NUBPL: variants seen among roughly 807,000 people sequenced by gnomAD.
NUBPL encodes iron-sulfur cluster transfer protein NUBPL.
Under a neutral mutation model 45.7 loss-of-function variants are expected in NUBPL, and 31 were observed. The ratio of observed to expected loss-of-function variants is 0.68; its 90% confidence interval spans 0.51 to 0.92. The LOEUF is 0.92. Among genes scored for constraint, NUBPL ranks in the 40% least tolerant of loss-of-function variants. NUBPL has a pLI of 0.00. For synonymous variants in NUBPL, 144 were observed against 140.9 expected (o/e 1.02, Z -0.15); for missense variants, 401 against 398.7 (o/e 1.01, Z -0.05).
In NUBPL at chr14:31,750,588, C is replaced by T. The variant is rs185558993; in HGVS notation, c.514-37192C>T. 1.1e-3 allele frequency among the ~76,000 whole-genome samples: 171 copies of T among 152,024 alleles called. 1 individual carries two copies. The highest frequency in any genetic ancestry group is 3.4e-3 in the Middle Eastern group (1 of 294). ...GGATAATTATCATGTTCTTTGGAGGCGTCATTTTTCTTTGCTTTATCATTC... is the reference window on the plus strand; with the variant it reads ...GGATAATTATCATGTTCTTTGGAGGTGTCATTTTTCTTTGCTTTATCATTC... On this transcript the variant is annotated intron_variant, in intron 6 of 10. Coordinates refer to ENST00000281081, the MANE Select transcript of NUBPL (RefSeq NM_025152.3).
chr14:31,645,291 C>T (rs988690095), intron 4 of NUBPL, among the ~76,000 whole-genome samples: 6 of 152,074 alleles, frequency 3.9e-5, no homozygotes, highest in Non-Finnish European at 7.4e-5. Flanking sequence ...TGGTCTCGAT[C>T]TCCTGACCTC....
intron 6 of NUBPL, among the ~76,000 whole-genome samples, chr14:31,680,205 A>G (rs953384360): frequency 6.6e-6 from 1 of 152,024 alleles, no homozygotes; most frequent in Admixed American, 6.5e-5. Flanking sequence ...TTCCTTTTCA[A>G]TCCATTCCTT....
chr14:31,781,893 T>A (rs1057107502), intron 6 of NUBPL, among the ~76,000 whole-genome samples: 2 of 152,128 alleles, frequency 1.3e-5, no homozygotes, highest in Non-Finnish European at 2.9e-5. Context: ...TACACATGAT[T>A]CTTTCTTATA....
intron 6 of NUBPL, among the ~76,000 whole-genome samples, chr14:31,760,173 G>GAGAGAGAGAGAGAGAC (rs1226267063): frequency 6.8e-6 from 1 of 147,642 alleles, no homozygotes; most frequent in East Asian, 2.0e-4. Context: ...GAGAGAGAGA[G>GAGAGAGAGAGAGAGAC]AGAGAGAGAC....
At chr14:31,788,326 G>T (rs2138821032) in intron 7 of NUBPL, among the ~76,000 whole-genome samples, 1 of 152,228 alleles carries the variant, frequency 6.6e-6, no homozygotes, top group South Asian at 2.1e-4. Context: ...AGCCCTGAGA[G>T]TTCAACATTG....
Position 31,841,917 on chromosome 14 carries a change from C to CTTTTGTTTTTTTTTTTTTTTTT in NUBPL, c.694-4550_694-4549insGTTTTTTTTTTTTTTTTTTTTT. On this transcript the variant is annotated intron_variant, in intron 8 of 10. Coordinates refer to ENST00000281081, the MANE Select transcript of NUBPL (RefSeq NM_025152.3). The stretch of plus-strand genomic sequence containing the variant: ...CTTTCATGTATGGGTCGATTCTGGG[C>CTTTTGTTTTTTTTTTTTTTTTT]TTTTTTTTTTTTTTTTTTTTTTTTT... Among the ~76,000 whole-genome samples, 157 of 43,048 alleles carry CTTTTGTTTTTTTTTTTTTTTTT rather than the reference C, an allele frequency of 3.6e-3. 26 individuals are homozygous for CTTTTGTTTTTTTTTTTTTTTTT. Among genetic ancestry groups the CTTTTGTTTTTTTTTTTTTTTTT allele is most frequent in the Non-Finnish European group, 5.2e-3 (123 of 23,470 alleles). 28.2% of individuals were successfully genotyped at this position (43,048 alleles called of 152,430 possible).
chr14:31,742,410 AG>A (rs1220313071), intron 6 of NUBPL, among the ~76,000 whole-genome samples: 5 of 152,128 alleles, frequency 3.3e-5, no homozygotes, highest in Admixed American at 3.3e-4. Context: ...ATTCTTGTTA[AG>A]ATGCAGATTC....
intron 6 of NUBPL, among the ~76,000 whole-genome samples, chr14:31,682,660 T>A (rs1428577330): frequency 6.6e-6 from 1 of 152,230 alleles, no homozygotes; most frequent in Non-Finnish European, 1.5e-5. Context: ...TCCTTAGCTA[T>A]CTATCCCTCT....
At position 31,770,298 on chromosome 14, in the gene NUBPL, A is replaced by G. The variant is rs143596294; in HGVS notation, c.514-17482A>G. The stretch of plus-strand genomic sequence containing the variant: ...AATTTGGAGGCTAGAGTTTTTCAAC[A>G]TAGTTTGGCAGGCAGGGTGCTAGGG... On this transcript the variant is annotated intron_variant, in intron 6 of 10. Coordinates refer to ENST00000281081, the MANE Select transcript of NUBPL (RefSeq NM_025152.3). Among the ~76,000 whole-genome samples, 198 of 152,224 alleles carry G rather than the reference A, an allele frequency of 1.3e-3. 4 individuals are homozygous for G. The East Asian group carries it at 0.019, about 14-fold the overall frequency.
chr14:31,773,987 A>G (rs1461664803), intron 6 of NUBPL, among the ~76,000 whole-genome samples: 1 of 152,176 alleles, frequency 6.6e-6, no homozygotes, highest in Non-Finnish European at 1.5e-5. Flanking sequence ...GACACAGCCC[A>G]CTTTTGAGCT....
At chr14:31,572,133 A>T (rs2033601812) in intron 3 of NUBPL, among the ~76,000 whole-genome samples, 1 of 151,524 alleles carries the variant, frequency 6.6e-6, no homozygotes, top group Admixed American at 6.6e-5. Flanking sequence ...TTTTAGCTAG[A>T]TTCTTTTTTT....
intron 4 of NUBPL, among the ~76,000 whole-genome samples, chr14:31,614,350 G>A (rs1480651465): frequency 6.6e-6 from 1 of 152,180 alleles, no homozygotes; most frequent in Non-Finnish European, 1.5e-5. Context: ...TAATCAGAAA[G>A]TACTGAGTTT....
rs188614948 is a variant in NUBPL at position 31,608,427 on chromosome 14, G to A, written c.382+9048G>A. ...AAATTAGCTGGGCATGGTGGCGGGC[G>A]CCTGTAGTCCCAGCTACTTTGGAGG... is the stretch of plus-strand genomic sequence containing the variant. On this transcript the variant is annotated intron_variant, in intron 4 of 10. Transcript: ENST00000281081. Among the ~76,000 whole-genome samples the A allele has an allele frequency of 2.5e-3, 377 of 152,078 alleles. 7 individuals are homozygous for A. Among genetic ancestry groups the A allele is most frequent in the Non-Finnish European group, 4.1e-4 (28 of 67,976 alleles).
At chr14:31,582,581 A>G (rs2033893563) in intron 3 of NUBPL, among the ~76,000 whole-genome samples, 1 of 152,128 alleles carries the variant, frequency 6.6e-6, no homozygotes, top group African/African-American at 2.4e-5. Flanking sequence ...GCTGTGGTTC[A>G]TAGGCATCTG....
intron 4 of NUBPL, among the ~76,000 whole-genome samples, chr14:31,643,473 C>T (rs2139707913): frequency 6.6e-6 from 1 of 152,256 alleles, no homozygotes; most frequent in South Asian, 2.1e-4. Context: ...GAATGTTGAA[C>T]CATTCTTGTA....
intron 4 of NUBPL, among the ~76,000 whole-genome samples, chr14:31,601,419 C>G (rs1040937822): frequency 6.6e-6 from 1 of 152,158 alleles, no homozygotes; most frequent in African/African-American, 2.4e-5. Flanking sequence ...TTTGTATCCT[C>G]TTTTATTTCA....
At chr14:31,670,597 T>G (rs2036548132) in intron 4 of NUBPL, among the ~76,000 whole-genome samples, 1 of 152,168 alleles carries the variant, frequency 6.6e-6, no homozygotes, top group African/African-American at 2.4e-5. Context: ...AGGATTTTTA[T>G]AGTTTTGGCT....
intron 7 of NUBPL, among the ~76,000 whole-genome samples, chr14:31,798,767 G>T (rs1373553684): frequency 7.3e-6 from 1 of 136,640 alleles, no homozygotes; most frequent in Non-Finnish European, 1.5e-5. Context: ...ACTCCAGCCT[G>T]GGTGACAGAG....
intron 3 of NUBPL, among the ~76,000 whole-genome samples, chr14:31,566,059 T>A (rs1445486050): frequency 6.6e-6 from 1 of 152,202 alleles, no homozygotes; most frequent in Non-Finnish European, 1.5e-5. Flanking sequence ...ATACCTATTT[T>A]ATAGAATACA....
Sources: gnomAD v4.1 joint callset for allele counts (sites outside exome capture counted in the v4.1 genomes callset) on GRCh38, gnomAD v4.1.1 for gene constraint, MANE v1.5 for transcripts, NCBI Gene and HGNC (gene_info 2026-07-23, HGNC 2026-07-21) for gene names.